IMMP2L: variants seen among roughly 807,000 people sequenced by gnomAD.
IMMP2L encodes inner mitochondrial membrane peptidase subunit 2, also known as mitochondrial inner membrane protease subunit 2.
In IMMP2L, 18 loss-of-function variants were observed where a neutral mutation model predicts 19.3. That is an observed-to-expected ratio of 0.93 (90% CI 0.64 to 1.38). The LOEUF (loss-of-function observed/expected upper bound fraction) is 1.38, where lower values mean the gene tolerates loss of function less well. Ranked by LOEUF, IMMP2L falls within the 40% of genes most tolerant of loss-of-function variation. The probability of loss-of-function intolerance (pLI) is 0.00; values close to 1 mark genes in which losing one functional copy is unlikely to be tolerated. For missense variants in IMMP2L, 233 were observed against 218.2 expected (o/e 1.07, Z -0.43); for synonymous variants, 76 against 73.0 (o/e 1.04, Z -0.21).
At chr7:111,117,324 A>G (rs1800007958) in intron 3 of IMMP2L, among the ~76,000 whole-genome samples, 1 of 152,126 alleles carries the variant, frequency 6.6e-6, no homozygotes, top group African/African-American at 2.4e-5. Context: ...AACTCATGCA[A>G]CCAAATTTCT....
At chr7:111,444,601 C>T (rs971787322) in intron 3 of IMMP2L, among the ~76,000 whole-genome samples, 1 of 152,172 alleles carries the variant, frequency 6.6e-6, no homozygotes, top group Non-Finnish European at 1.5e-5. Context: ...CATTCTCCTT[C>T]TCTTCATTTT....
chr7:111,366,164 A>T (rs890313543), intron 3 of IMMP2L, among the ~76,000 whole-genome samples: 1 of 152,008 alleles, frequency 6.6e-6, no homozygotes, highest in Non-Finnish European at 1.5e-5. Context: ...AGTAGTAACT[A>T]AAAAATAGAG....
chr7:111,011,553 C>A (rs1461746476), intron 3 of IMMP2L, among the ~76,000 whole-genome samples: 1 of 152,090 alleles, frequency 6.6e-6, no homozygotes, highest in Non-Finnish European at 1.5e-5. Context: ...AATGGAGAGC[C>A]TGTGGCCTTC....
chr7:111,544,273 C>T (rs1432284239), intron 1 of IMMP2L, among the ~76,000 whole-genome samples: 5 of 151,898 alleles, frequency 3.3e-5, no homozygotes, highest in Non-Finnish European at 7.4e-5. Context: ...GGTGGGATAG[C>T]ATTAGGAGAT....
chr7:111,516,808 A>G (rs1205051474), intron 2 of IMMP2L, among the ~76,000 whole-genome samples: 2 of 152,174 alleles, frequency 1.3e-5, no homozygotes, highest in East Asian at 3.9e-4. Flanking sequence ...AAAGCACGCA[A>G]GTAAGCCAAT....
chr7:110,817,297 G>A (rs1295762553), intron 5 of IMMP2L, among the ~76,000 whole-genome samples: 7 of 151,838 alleles, frequency 4.6e-5, no homozygotes, highest in Non-Finnish European at 8.8e-5. Flanking sequence ...CCAAAATCAC[G>A]AGCATTCTTA....
At chr7:110,806,201 G>A (rs574010568) in intron 5 of IMMP2L, among the ~76,000 whole-genome samples, 25 of 152,042 alleles carry the variant, frequency 1.6e-4, no homozygotes, top group African/African-American at 5.8e-4. Context: ...TTAAAGCAAC[G>A]AGCTCAAATG....
At chr7:111,376,553 T>C (rs990477727) in intron 3 of IMMP2L, among the ~76,000 whole-genome samples, 1 of 152,074 alleles carries the variant, frequency 6.6e-6, no homozygotes, top group African/African-American at 2.4e-5. Flanking sequence ...CTCCTAGCTA[T>C]ATATATATGA....
chr7:110,998,162 C>T (rs1823242483), intron 3 of IMMP2L, among the ~76,000 whole-genome samples: 1 of 152,178 alleles, frequency 6.6e-6, no homozygotes, highest in Non-Finnish European at 1.5e-5. Flanking sequence ...CTTTTGCCCT[C>T]TTCCAGTATG....
At chr7:110,785,157 G>A (rs966176882) in intron 5 of IMMP2L, among the ~76,000 whole-genome samples, 4 of 151,868 alleles carry the variant, frequency 2.6e-5, no homozygotes, top group African/African-American at 9.7e-5. Flanking sequence ...AATTATGTCT[G>A]AAGTCCTTTT....
In IMMP2L at chr7:110,757,928, G is replaced by A. The variant is rs1158975155; in HGVS notation, c.409-94207C>T. On this transcript the variant is annotated intron_variant, in intron 5 of 5. Transcript: ENST00000405709. This position sits in a 1 kb window ranked among gnomAD's most constrained non-coding sequence, Gnocchi z 4.2. Reference sequence around the variant, plus strand: ...AATAGCCGAGGGGAAGGTGGTAGAAGGAAGTGGGATTGGGAATTCTTGGGT... The same window carrying A: ...AATAGCCGAGGGGAAGGTGGTAGAAAGAAGTGGGATTGGGAATTCTTGGGT... 6.6e-6 allele frequency among the ~76,000 whole-genome samples: 1 copy of A among 152,068 alleles called. No homozygotes were observed. Among genetic ancestry groups the A allele is most frequent in the Non-Finnish European group, 1.5e-5 (1 of 67,996 alleles).
At chr7:111,034,547 T>A (rs1791145774) in intron 3 of IMMP2L, among the ~76,000 whole-genome samples, 1 of 152,118 alleles carries the variant, frequency 6.6e-6, no homozygotes, top group Admixed American at 6.6e-5. Context: ...CATTGATCTA[T>A]CCTTCCCTCC....
intron 3 of IMMP2L, among the ~76,000 whole-genome samples, chr7:111,149,011 C>A (rs1803788317): frequency 6.6e-6 from 1 of 152,060 alleles, no homozygotes; most frequent in Admixed American, 6.6e-5. Context: ...TCTAGACAGG[C>A]TGGCTCCAGA....
intron 3 of IMMP2L, among the ~76,000 whole-genome samples, chr7:111,360,908 T>C: frequency 6.6e-6 from 1 of 152,216 alleles, no homozygotes; most frequent in Middle Eastern, 3.4e-3. Context: ...TTCATAAAAC[T>C]GTCGTATTTA....
chr7:110,779,665 A>G (rs1799610691), intron 5 of IMMP2L, among the ~76,000 whole-genome samples: 1 of 151,916 alleles, frequency 6.6e-6, no homozygotes, highest in Admixed American at 6.6e-5. Context: ...ACGGTAAGCA[A>G]GGAAAAACTA....
intron 3 of IMMP2L, among the ~76,000 whole-genome samples, chr7:111,226,417 C>T (rs1403568706): frequency 1.3e-5 from 2 of 152,082 alleles, no homozygotes; most frequent in Admixed American, 1.3e-4. Flanking sequence ...ATCCTCCTGC[C>T]TCAGCCTCCC....
chr7:111,494,416 A>G (rs2097229791), intron 2 of IMMP2L, among the ~76,000 whole-genome samples: 1 of 152,074 alleles, frequency 6.6e-6, no homozygotes, highest in African/African-American at 2.4e-5. Context: ...GCTTGGAAAC[A>G]ACAACAAGGA....
chr7:110,911,693 G>T (rs779233327), intron 4 of IMMP2L, among the ~76,000 whole-genome samples: 5 of 152,064 alleles, frequency 3.3e-5, no homozygotes, highest in Non-Finnish European at 7.4e-5. Flanking sequence ...CATTTTGACA[G>T]CAATATACCT....
At chr7:111,387,784 T>C (rs942931092) in intron 3 of IMMP2L, among the ~76,000 whole-genome samples, 2 of 151,892 alleles carry the variant, frequency 1.3e-5, no homozygotes, top group African/African-American at 4.8e-5. Flanking sequence ...AAGATCACCC[T>C]GGCCAACATG....
Sources: gnomAD v4.1 joint callset for allele counts (sites outside exome capture counted in the v4.1 genomes callset) on GRCh38, gnomAD v4.1.1 for gene constraint, Gnocchi (gnomAD v3.1) non-coding constraint, MANE v1.5 for transcripts, NCBI Gene and HGNC (gene_info 2026-07-23, HGNC 2026-07-21) for gene names.